The following SYBU variants were observed in gnomAD, a reference collection of about 807,000 sequenced individuals.
SYBU encodes GOLSYN A protein.
A neutral mutation model predicts 35.9 loss-of-function variants in SYBU; 21 were observed. The observed-to-expected ratio is 0.58, with a 90% CI of 0.41 to 0.84. SYBU has a LOEUF of 0.84. Ranked by LOEUF, SYBU falls within the 40% of genes least tolerant of loss-of-function variation. The pLI, the probability that SYBU is intolerant of heterozygous loss-of-function variation, is 0.00. For missense variants in SYBU, 768 were observed against 848.2 expected (o/e 0.91, Z 1.17); for synonymous variants, 319 against 324.3 (o/e 0.98, Z 0.18).
intron 2 of SYBU, among the ~76,000 whole-genome samples, chr8:109,620,076 C>G (rs918438831): frequency 6.6e-6 from 1 of 152,098 alleles, no homozygotes; most frequent in Non-Finnish European, 1.5e-5. Flanking sequence ...CCTATAAATG[C>G]GTTCCACATT....
chr8:109,625,226 A>C (rs1812859437), intron 2 of SYBU, among the ~76,000 whole-genome samples: 1 of 152,224 alleles, frequency 6.6e-6, no homozygotes, highest in Admixed American at 6.5e-5. Context: ...TCCACAAAGA[A>C]AAGAGACATA....
At chr8:109,658,537 A>T (rs1043003317) in intron 1 of SYBU, among the ~76,000 whole-genome samples, 1 of 152,188 alleles carries the variant, frequency 6.6e-6, no homozygotes, top group African/African-American at 2.4e-5. Flanking sequence ...TGAATGAAGG[A>T]CCTTTCCTGC....
intron 3 of SYBU, 99 bp from the exon 4 acceptor site, chr8:109,586,261 A>G (rs758518305): frequency 9.4e-6 from 8 of 851,984 alleles, no homozygotes; most frequent in Non-Finnish European, 1.5e-5. Flanking sequence ...CTGCGTTTGC[A>G]CACTATTGGC....
At chr8:109,671,674 T>C (rs989542337) in intron 1 of SYBU, among the ~76,000 whole-genome samples, 2 of 152,238 alleles carry the variant, frequency 1.3e-5, no homozygotes, top group Non-Finnish European at 2.9e-5. Flanking sequence ...CAATCTCTAA[T>C]TCAATTTTGG....
At chr8:109,600,211 G>A (rs936337219) in intron 3 of SYBU, among the ~76,000 whole-genome samples, 2 of 152,132 alleles carry the variant, frequency 1.3e-5, no homozygotes, top group African/African-American at 4.8e-5. Flanking sequence ...CTGTTGTTTT[G>A]AAATGTTATT....
Position 109,574,793 on chromosome 8 carries a change from T to G in SYBU, c.*113A>C. On this transcript the variant is annotated 3_prime_UTR_variant, in exon 7 of 7. Transcript: ENST00000276646. The stretch of plus-strand genomic sequence containing the variant: ...TCAACTAAATATAGTGCAAATCAAA[T>G]ACCAAGGAGCAAAACGACAGAATAG... The G allele has an allele frequency of 8.1e-7, 1 of 1,228,280 alleles. No homozygotes were observed. Among genetic ancestry groups the G allele is most frequent in the Non-Finnish European group, 1.1e-6 (1 of 897,332 alleles). 76.1% of individuals were successfully genotyped at this position (1,228,280 alleles called of 1,614,324 possible).
At chr8:109,621,123 T>C (rs1812357714) in intron 2 of SYBU, among the ~76,000 whole-genome samples, 1 of 152,222 alleles carries the variant, frequency 6.6e-6, no homozygotes, top group Admixed American at 6.5e-5. Context: ...AAAACTCAGT[T>C]TTCCTGAAAA....
At chr8:109,667,520 G>A (rs1282957779) in intron 1 of SYBU, among the ~76,000 whole-genome samples, 1 of 147,746 alleles carries the variant, frequency 6.8e-6, no homozygotes, top group Non-Finnish European at 1.5e-5. Context: ...AAAAAAAAAA[G>A]ACGCAGTAAT....
intron 3 of SYBU, among the ~76,000 whole-genome samples, chr8:109,618,576 T>C (rs1310494069): frequency 2.6e-5 from 4 of 152,224 alleles, no homozygotes; most frequent in Non-Finnish European, 5.9e-5. Context: ...AACATCTGGC[T>C]TATATTTCTT....
chr8:109,671,865 C>T (rs537996612), intron 1 of SYBU, among the ~76,000 whole-genome samples: 2 of 152,056 alleles, frequency 1.3e-5, no homozygotes, highest in African/African-American at 2.4e-5. Flanking sequence ...TAGTGTAAAC[C>T]TTTTTGAAAA....
chr8:109,677,455 C>T (rs201839695), intron 1 of SYBU, among the ~76,000 whole-genome samples: 1 of 152,136 alleles, frequency 6.6e-6, no homozygotes, highest in East Asian at 1.9e-4. Flanking sequence ...AAAAAATACA[C>T]CTCATGTTCC....
chr8:109,675,443 T>A (rs1021592728), intron 1 of SYBU, among the ~76,000 whole-genome samples: 1 of 151,964 alleles, frequency 6.6e-6, no homozygotes, highest in Non-Finnish European at 1.5e-5. Flanking sequence ...CAATAAAAAA[T>A]GATAAAGGGG....
intron 1 of SYBU, among the ~76,000 whole-genome samples, chr8:109,660,944 T>C (rs1447921468): frequency 6.6e-6 from 1 of 152,138 alleles, no homozygotes; most frequent in Non-Finnish European, 1.5e-5. Context: ...CTGGAAACAC[T>C]AAGAAATTCT....
intron 2 of SYBU, among the ~76,000 whole-genome samples, chr8:109,639,081 A>G (rs1347868345): frequency 6.6e-6 from 1 of 152,220 alleles, no homozygotes; most frequent in Non-Finnish European, 1.5e-5. Flanking sequence ...AAGTGGGTAA[A>G]AATGGACAGA....
upstream of SYBU, among the ~76,000 whole-genome samples, chr8:109,683,195 T>G (rs1353403553): frequency 6.6e-6 from 1 of 152,224 alleles, no homozygotes; most frequent in Non-Finnish European, 1.5e-5. Context: ...GTAGATCCAC[T>G]GACAGCTTGT....
intron 3 of SYBU, among the ~76,000 whole-genome samples, chr8:109,593,171 C>A (rs751459390): frequency 1.3e-5 from 2 of 152,096 alleles, no homozygotes; most frequent in East Asian, 1.9e-4. Context: ...GCTGATTGTG[C>A]AGCAGGTGGT....
intron 1 of SYBU, among the ~76,000 whole-genome samples, chr8:109,688,032 T>G (rs1038324173): frequency 2.0e-5 from 3 of 152,202 alleles, no homozygotes; most frequent in African/African-American, 7.2e-5. Flanking sequence ...CATCAGGTCC[T>G]GGAGCACCTC....
At chr8:109,657,716 T>C (rs1816407714) in intron 1 of SYBU, among the ~76,000 whole-genome samples, 1 of 152,210 alleles carries the variant, frequency 6.6e-6, no homozygotes, top group Admixed American at 6.5e-5. Flanking sequence ...GGCTTTTCAA[T>C]CTGAAACCTT....
intron 3 of SYBU, among the ~76,000 whole-genome samples, chr8:109,610,124 G>A (rs1811007880): frequency 6.6e-6 from 1 of 152,028 alleles, no homozygotes; most frequent in Admixed American, 6.6e-5. Flanking sequence ...GGAACAATAA[G>A]GTTAAAGTCT....
Sources: gnomAD v4.1 joint callset for allele counts (sites outside exome capture counted in the v4.1 genomes callset) on GRCh38, gnomAD v4.1.1 for gene constraint, MANE v1.5 for transcripts, NCBI Gene and HGNC (gene_info 2026-07-23, HGNC 2026-07-21) for gene names.